SLC60A1: variants seen among roughly 807,000 people sequenced by gnomAD.
The protein encoded by SLC60A1 is major facilitator superfamily domain containing 4.
the SLC60A1 span, chr1:205,584,172 C>G: frequency 1.3e-6 from 2 of 1,541,364 alleles, no homozygotes; most frequent in Non-Finnish European, 1.8e-6. Flanking sequence ...GTTGAGGCTT[C>G]CTTGGTAACC....
the SLC60A1 span, chr1:205,579,475 G>A: frequency 1.0e-5 from 6 of 573,498 alleles, no homozygotes; most frequent in Middle Eastern, 4.4e-4. Context: ...AACAATTTAG[G>A]GTTTAAGGAA....
chr1:205,594,346 CAT>C, the SLC60A1 span, among the ~76,000 whole-genome samples: 1,326 of 152,312 alleles, frequency 8.7e-3, 20 homozygotes, highest in African/African-American at 0.025. Flanking sequence ...GTGATCAACA[CAT>C]GTTAGAGTTT....
At chr1:205,578,639 G>T in the SLC60A1 span, among the ~76,000 whole-genome samples, 1 of 152,204 alleles carries the variant, frequency 6.6e-6, no homozygotes, top group Admixed American at 6.5e-5. Flanking sequence ...AGCCAAGGGG[G>T]TCAGGGGCAG....
At chr1:205,585,076 G>A in the SLC60A1 span, 2 of 1,176,132 alleles carry the variant, frequency 1.7e-6, no homozygotes, top group Non-Finnish European at 2.5e-6. The surrounding 1 kb of genome is among the most constrained non-coding windows in gnomAD (Gnocchi z 4.2). Flanking sequence ...AAAGAGAGGA[G>A]CATGAAGGTT....
chr1:205,591,901 T>C, the SLC60A1 span: 10 of 502,894 alleles, frequency 2.0e-5, no homozygotes, highest in African/African-American at 1.9e-4. Flanking sequence ...AGGGGAGATG[T>C]CTAGGTGGGA....
the SLC60A1 span, among the ~76,000 whole-genome samples, chr1:205,580,492 C>T: frequency 7.2e-5 from 11 of 152,292 alleles, no homozygotes; most frequent in East Asian, 1.9e-4. The surrounding 1 kb of genome is among the most constrained non-coding windows in gnomAD (Gnocchi z 5.0). Flanking sequence ...CTGCTTCCTG[C>T]ACCCATGGCT....
chr1:205,597,353 T>C, the SLC60A1 span, among the ~76,000 whole-genome samples: 39 of 144,098 alleles, frequency 2.7e-4, no homozygotes, highest in East Asian at 1.0e-3. Flanking sequence ...TCCAGAGGTT[T>C]CCCAGAAGCA....
chr1:205,596,643 G>A, the SLC60A1 span, among the ~76,000 whole-genome samples: 1 of 150,114 alleles, frequency 6.7e-6, no homozygotes, highest in Non-Finnish European at 1.5e-5. Context: ...GAAGATGTGT[G>A]CTGAAGCCTG....
the SLC60A1 span, among the ~76,000 whole-genome samples, chr1:205,576,345 G>A: frequency 2.0e-5 from 3 of 152,208 alleles, no homozygotes; most frequent in Admixed American, 2.0e-4. Context: ...CAAGTGGCCA[G>A]GGGAAAATCC....
chr1:205,594,262 G>A, the SLC60A1 span, among the ~76,000 whole-genome samples: 199 of 152,316 alleles, frequency 1.3e-3, no homozygotes, highest in African/African-American at 4.6e-3. Context: ...CAGTCTCCAA[G>A]CCTCAAGGGA....
At chr1:205,572,094 T>C in the SLC60A1 span, among the ~76,000 whole-genome samples, 2 of 152,096 alleles carry the variant, frequency 1.3e-5, no homozygotes, top group South Asian at 4.1e-4. Flanking sequence ...GCCTTGGCTA[T>C]TGGAGTGGGT....
the SLC60A1 span, among the ~76,000 whole-genome samples, chr1:205,583,497 C>T: frequency 6.6e-6 from 1 of 152,132 alleles, no homozygotes; most frequent in Non-Finnish European, 1.5e-5. Context: ...TCTAGTTTAC[C>T]CCTCAGATCT....
chr1:205,580,519 GGCAAC>G, the SLC60A1 span: 8 of 1,088,442 alleles, frequency 7.3e-6, no homozygotes, highest in African/African-American at 7.8e-5. The surrounding 1 kb of genome is among the most constrained non-coding windows in gnomAD (Gnocchi z 5.0). Flanking sequence ...TCCAGGGCTG[GGCAAC>G]AGCCCCTACA....
At chr1:205,585,983 A>G in the SLC60A1 span, 1 of 1,518,716 alleles carries the variant, frequency 6.6e-7, no homozygotes, top group East Asian at 2.4e-5. This position sits in a 1 kb window ranked among gnomAD's most constrained non-coding sequence, Gnocchi z 4.2. Context: ...TGTGAGGGTC[A>G]TTGTCTGGCT....
the SLC60A1 span, chr1:205,586,291 C>T: frequency 1.3e-6 from 2 of 1,510,944 alleles, no homozygotes; most frequent in Non-Finnish European, 1.8e-6. Flanking sequence ...GACGTTTGCC[C>T]AGGCCTACAT....
At chr1:205,587,456 A>G in the SLC60A1 span, among the ~76,000 whole-genome samples, 1 of 152,284 alleles carries the variant, frequency 6.6e-6, no homozygotes, top group East Asian at 1.9e-4. Flanking sequence ...TTTCAGTTCA[A>G]TGTAGATGGG....
the SLC60A1 span, chr1:205,586,342 GGA>G: frequency 3.6e-6 from 4 of 1,108,966 alleles, no homozygotes; most frequent in East Asian, 4.9e-5. Context: ...AGGGAAGAGA[GGA>G]GAGAGAGGAT....
the SLC60A1 span, chr1:205,580,687 T>C: frequency 7.1e-5 from 115 of 1,613,070 alleles, no homozygotes; most frequent in Non-Finnish European, 9.4e-5. The surrounding 1 kb of genome is among the most constrained non-coding windows in gnomAD (Gnocchi z 5.0). Flanking sequence ...TGGGCTTTGG[T>C]GCTCTGCTGA....
the SLC60A1 span, chr1:205,597,702 G>T: frequency 6.6e-7 from 1 of 1,515,750 alleles, no homozygotes; most frequent in South Asian, 1.1e-5. Flanking sequence ...ACTGTGCCTG[G>T]CCAGCAACCT....
Sources: gnomAD v4.1 joint callset for allele counts (sites outside exome capture counted in the v4.1 genomes callset) on GRCh38, gnomAD v4.1.1 for gene constraint, Gnocchi (gnomAD v3.1) non-coding constraint, MANE v1.5 for transcripts, NCBI Gene and HGNC (gene_info 2026-07-23, HGNC 2026-07-21) for gene names.